The following C2orf66 variants were observed in gnomAD, a reference collection of about 807,000 sequenced individuals.
The protein encoded by C2orf66 is uncharacterized protein C2orf66.
A neutral mutation model predicts 7.0 loss-of-function variants in C2orf66; 6 were observed. The observed-to-expected ratio is 0.86, with a 90% confidence interval of 0.47 to 1.69. The LOEUF (loss-of-function observed/expected upper bound fraction) is 1.69, where lower values mean the gene tolerates loss of function less well. Ranked by LOEUF, C2orf66 falls within the 40% of genes most tolerant of loss-of-function variation. The pLI, the probability that C2orf66 is intolerant of heterozygous loss-of-function variation, is 0.01. For synonymous variants in C2orf66, 38 were observed against 43.8 expected (o/e 0.87, Z 0.52); for missense variants, 107 against 112.0 (o/e 0.96, Z 0.20).
At chr2:196,827,132 G>A in the C2orf66 span, among the ~76,000 whole-genome samples, 10 of 151,630 alleles carry the variant, frequency 6.6e-5, no homozygotes, top group African/African-American at 1.9e-4. Flanking sequence ...CCAGCTACTT[G>A]GGAGGCTGAT....
At chr2:196,827,339 G>GTTACACAT in the C2orf66 span, among the ~76,000 whole-genome samples, 1 of 151,082 alleles carries the variant, frequency 6.6e-6, no homozygotes, top group Non-Finnish European at 1.5e-5. Context: ...TACAGTAAAT[G>GTTACACAT]TTACACATTC....
intron 2 of C2orf66, among the ~76,000 whole-genome samples, chr2:196,806,895 A>C (rs895774527): frequency 1.3e-5 from 2 of 152,068 alleles, no homozygotes; most frequent in African/African-American, 4.8e-5. Flanking sequence ...AATCTTAATA[A>C]ATTTTTAATT....
At chr2:196,829,122 CCTT>C in the C2orf66 span, among the ~76,000 whole-genome samples, 56 of 151,940 alleles carry the variant, frequency 3.7e-4, no homozygotes, top group Non-Finnish European at 7.1e-4. Context: ...TTTTTCACTT[CCTT>C]CTTCATCTTC....
upstream of C2orf66, among the ~76,000 whole-genome samples, chr2:196,812,856 T>C (rs913570737): frequency 6.6e-6 from 1 of 152,076 alleles, no homozygotes; most frequent in Admixed American, 6.6e-5. Context: ...TAAAATATAT[T>C]GGAATACAAC....
At chr2:196,830,772 C>A in the C2orf66 span, among the ~76,000 whole-genome samples, 15 of 152,246 alleles carry the variant, frequency 9.9e-5, no homozygotes, top group African/African-American at 3.1e-4. Flanking sequence ...TCCCCATGGT[C>A]TCCGGGTCTT....
upstream of C2orf66, among the ~76,000 whole-genome samples, chr2:196,812,961 C>T (rs992544434): frequency 2.0e-5 from 3 of 152,168 alleles, no homozygotes; most frequent in East Asian, 1.9e-4. Context: ...ACATTCCATG[C>T]TCATGGATAG....
chr2:196,810,538 C>T (rs1322007394), upstream of C2orf66, among the ~76,000 whole-genome samples: 2 of 152,164 alleles, frequency 1.3e-5, no homozygotes, highest in African/African-American at 4.8e-5. Flanking sequence ...TACAACATTC[C>T]CTTGCTGAAT....
upstream of C2orf66, chr2:196,809,567 T>C: frequency 2.0e-6 from 1 of 497,722 alleles, no homozygotes; most frequent in Non-Finnish European, 3.6e-6. Context: ...ATAATGAGAA[T>C]GTTATACAGT....
the C2orf66 span, among the ~76,000 whole-genome samples, chr2:196,827,018 G>C: frequency 6.6e-6 from 1 of 150,850 alleles, no homozygotes; most frequent in Non-Finnish European, 1.5e-5. Flanking sequence ...ACGACAGAGG[G>C]AGGACTCTGT....
the C2orf66 span, among the ~76,000 whole-genome samples, chr2:196,828,278 A>AC: frequency 2.7e-5 from 4 of 146,696 alleles, no homozygotes; most frequent in South Asian, 2.2e-4. Flanking sequence ...ACACACACAC[A>AC]AAGCAACCTA....
At chr2:196,821,092 G>A in the C2orf66 span, among the ~76,000 whole-genome samples, 1 of 152,144 alleles carries the variant, frequency 6.6e-6, no homozygotes, top group Non-Finnish European at 1.5e-5. Context: ...ACAGAGCAGA[G>A]AGAGATTTGA....
chr2:196,811,883 C>A (rs1299352197), upstream of C2orf66, among the ~76,000 whole-genome samples: 1 of 151,780 alleles, frequency 6.6e-6, no homozygotes, highest in Non-Finnish European at 1.5e-5. Flanking sequence ...CAAAAGAGAC[C>A]CTGAAGGTGA....
the C2orf66 span, among the ~76,000 whole-genome samples, chr2:196,831,515 T>G: frequency 3.9e-5 from 6 of 152,154 alleles, no homozygotes; most frequent in Non-Finnish European, 5.9e-5. Context: ...GTGGGATGTA[T>G]CTCCTCTCTT....
chr2:196,829,385 T>C, the C2orf66 span, among the ~76,000 whole-genome samples: 1 of 151,796 alleles, frequency 6.6e-6, no homozygotes, highest in Admixed American at 6.6e-5. Flanking sequence ...GGTCAGGAGT[T>C]TGAGACCAGT....
At chr2:196,831,460 T>G in the C2orf66 span, among the ~76,000 whole-genome samples, 1 of 152,162 alleles carries the variant, frequency 6.6e-6, no homozygotes, top group African/African-American at 2.4e-5. Flanking sequence ...CTATGGCTTC[T>G]GTGGGGAGCC....
At chr2:196,830,270 C>T in the C2orf66 span, among the ~76,000 whole-genome samples, 1 of 152,120 alleles carries the variant, frequency 6.6e-6, no homozygotes, top group African/African-American at 2.4e-5. Flanking sequence ...GGCCCCTCCC[C>T]TAAAGATCAA....
chr2:196,829,925 A>G, the C2orf66 span, among the ~76,000 whole-genome samples: 3 of 151,598 alleles, frequency 2.0e-5, no homozygotes, highest in East Asian at 1.9e-4. Flanking sequence ...CAAAAACGAC[A>G]ACAACAACAA....
At chr2:196,823,100 T>C in the C2orf66 span, among the ~76,000 whole-genome samples, 1 of 151,740 alleles carries the variant, frequency 6.6e-6, no homozygotes, top group East Asian at 1.9e-4. Context: ...AGACCATTTA[T>C]GAAGCTGCTA....
chr2:196,828,979 A>G, the C2orf66 span, among the ~76,000 whole-genome samples: 1 of 152,220 alleles, frequency 6.6e-6, no homozygotes, highest in East Asian at 1.9e-4. Context: ...ATTCTGACCT[A>G]CGGAGCAAAT....
Sources: allele counts gnomAD v4.1 joint callset (sites outside exome capture counted in the v4.1 genomes callset), GRCh38; gene constraint gnomAD v4.1.1; transcripts MANE v1.5; gene names NCBI Gene and HGNC (gene_info 2026-07-23, HGNC 2026-07-21).